The following LMBR1 variants were observed in gnomAD, a reference collection of about 807,000 sequenced individuals.
LMBR1 encodes limb development membrane protein 1, also known as limb region 1 protein homolog.
A neutral mutation model predicts 73.9 loss-of-function variants in LMBR1; 52 were observed. The ratio of observed to expected loss-of-function variants is 0.70; its 90% CI spans 0.56 to 0.89. The LOEUF is 0.89. LMBR1 is among the 40% of genes least tolerant of loss of function. The pLI, the probability that LMBR1 is intolerant of heterozygous loss-of-function variation, is 0.00. For missense variants in LMBR1, 539 were observed against 579.8 expected, an observed-to-expected ratio of 0.93 and a Z score of 0.72; for synonymous variants, 215 against 209.4, an observed-to-expected ratio of 1.03 and a Z score of -0.23.
rs1268722926 is a variant in LMBR1 at position 156,678,859 on chromosome 7, T to A, written c.*5219A>T. 1.3e-5 allele frequency: 2 copies of A among 152,140 alleles called. No homozygotes were observed. Among genetic ancestry groups the A allele is most frequent in the East Asian group, 1.9e-4 (1 of 5,192 alleles). The allele number at this position is 152,140 out of a possible 1,614,324, so 9.4% of individuals were successfully genotyped here. On this transcript the variant is annotated 3_prime_UTR_variant, in exon 17 of 17. Coordinates refer to ENST00000353442, the MANE Select transcript of LMBR1 (RefSeq NM_022458.4). ...ACTTAATTAGGAGCCTACCATTCCATGGGCGGGGGGAATCATTAAATCACT... is the reference window on the plus strand; with the variant it reads ...ACTTAATTAGGAGCCTACCATTCCAAGGGCGGGGGGAATCATTAAATCACT...
chr7:156,755,335 C>T (rs1170657306), intron 9 of LMBR1, among the ~76,000 whole-genome samples: 1 of 152,212 alleles, frequency 6.6e-6, no homozygotes. Flanking sequence ...GTGAGAAAGG[C>T]TGTATTTTTG....
chr7:156,806,560 C>CATTA (rs1563410191), intron 4 of LMBR1, among the ~76,000 whole-genome samples: 1 of 145,850 alleles, frequency 6.9e-6, no homozygotes, highest in Non-Finnish European at 1.5e-5. Flanking sequence ...AGTCTTTCAC[C>CATTA]ATTAAGTATG....
At chr7:156,759,312 A>G (rs76087894) in intron 8 of LMBR1, among the ~76,000 whole-genome samples, 3,585 of 152,338 alleles carry the variant, frequency 0.024, 146 homozygotes, top group African/African-American at 0.081. Flanking sequence ...GTGGAGGGGT[A>G]AAGTCCACTC....
At chr7:156,687,134 A>T (rs1450189868) in intron 16 of LMBR1, among the ~76,000 whole-genome samples, 4 of 152,374 alleles carry the variant, frequency 2.6e-5, no homozygotes, top group African/African-American at 9.6e-5. Flanking sequence ...ATTGCTGCTC[A>T]TATCGTTTAA....
At chr7:156,697,626 C>T (rs995493193) in intron 15 of LMBR1, among the ~76,000 whole-genome samples, 2 of 152,198 alleles carry the variant, frequency 1.3e-5, no homozygotes, top group Admixed American at 6.5e-5. Context: ...ATTTGCATGT[C>T]CATTTATTGA....
At chr7:156,689,810 T>C (rs1213449002) in intron 15 of LMBR1, among the ~76,000 whole-genome samples, 2 of 152,200 alleles carry the variant, frequency 1.3e-5, no homozygotes, top group African/African-American at 2.4e-5. Flanking sequence ...TTAATAAAAC[T>C]TTACTTTGTT....
At chr7:156,813,668 C>A (rs1172500403) in intron 4 of LMBR1, among the ~76,000 whole-genome samples, 1 of 152,184 alleles carries the variant, frequency 6.6e-6, no homozygotes, top group African/African-American at 2.4e-5. Flanking sequence ...TATTCTTTTT[C>A]TCCTTTTCCC....
At chr7:156,841,468 T>C (rs1347108777) in intron 1 of LMBR1, among the ~76,000 whole-genome samples, 1 of 152,082 alleles carries the variant, frequency 6.6e-6, no homozygotes, top group Non-Finnish European at 1.5e-5. Flanking sequence ...AGTCTGAGAA[T>C]AGAGACCTAG....
intron 5 of LMBR1, among the ~76,000 whole-genome samples, chr7:156,768,146 G>C (rs898332095): frequency 6.6e-6 from 1 of 152,108 alleles, no homozygotes; most frequent in African/African-American, 2.4e-5. Flanking sequence ...AGCACTTTAG[G>C]AGGCCAAGGG....
chr7:156,821,366 A>G (rs1161917365), intron 4 of LMBR1, among the ~76,000 whole-genome samples: 1 of 152,202 alleles, frequency 6.6e-6, no homozygotes, highest in Non-Finnish European at 1.5e-5. Flanking sequence ...GTTCTGCATG[A>G]TATGCAGGCC....
chr7:156,876,038 G>C (rs960142085), intron 1 of LMBR1, among the ~76,000 whole-genome samples: 1 of 152,102 alleles, frequency 6.6e-6, no homozygotes, highest in Non-Finnish European at 1.5e-5. Flanking sequence ...TTGCGGAATG[G>C]ATAAGAATTC....
rs1001248008 is a variant in LMBR1 at position 156,679,080 on chromosome 7, T to C, written c.*4998A>G. On this transcript the variant is annotated 3_prime_UTR_variant, in exon 17 of 17. Coordinates refer to ENST00000353442, the MANE Select transcript of LMBR1 (RefSeq NM_022458.4). ...ATGAGACTGCGGTTGTACTGGCCTG[T>C]ATTTACATCCAGTTCATCTGCCCAC... The C allele has an allele frequency of 2.0e-5, 3 of 152,236 alleles. No individual in the cohort carries two copies. The highest frequency in any genetic ancestry group is 7.2e-5 in the African/African-American group (3 of 41,448). 9.4% of individuals were successfully genotyped at this position (152,236 alleles called of 1,614,324 possible).
chr7:156,805,617 G>A (rs1012635905), intron 4 of LMBR1, among the ~76,000 whole-genome samples: 16 of 152,184 alleles, frequency 1.1e-4, no homozygotes, highest in African/African-American at 3.9e-4. Context: ...GCTATTCTAA[G>A]TCCATAGAAT....
rs1563650259 is a variant in LMBR1, at chr7:156,892,832, G to A, written c.66+96C>T. 7.6e-5 allele frequency: 60 copies of A among 791,712 alleles called. 1 individual carries two copies. In the South Asian group the frequency reaches 1.4e-3, roughly 18 times the overall value. 49.0% of individuals were successfully genotyped at this position (791,712 alleles called of 1,614,324 possible). On this transcript the variant is annotated intron_variant, in intron 1 of 16. Coordinates refer to ENST00000353442, the MANE Select transcript of LMBR1 (RefSeq NM_022458.4). Reference sequence around the variant, plus strand: ...GGGCGGGAGGCGCGAGGCGAGGCCCGGAGGTGAGGGGTCCGGGGACCGGGG... The same window carrying A: ...GGGCGGGAGGCGCGAGGCGAGGCCCAGAGGTGAGGGGTCCGGGGACCGGGG...
Position 156,888,192 on chromosome 7 carries a change from C to T in LMBR1, c.66+4736G>A, listed in dbSNP as rs1053576038. ...TTGGGAGGCTGAGGCGGGCGAATCACGAGGTCAGGAGATCAAGACCTTCCT... is the reference window on the plus strand; with the variant it reads ...TTGGGAGGCTGAGGCGGGCGAATCATGAGGTCAGGAGATCAAGACCTTCCT... On this transcript the variant is annotated intron_variant, in intron 1 of 16. Coordinates refer to ENST00000353442, the MANE Select transcript of LMBR1 (RefSeq NM_022458.4). Among the ~76,000 whole-genome samples, 16 of 151,988 alleles carry T rather than the reference C, an allele frequency of 1.1e-4. No homozygotes were observed. In the South Asian group the frequency reaches 1.2e-3, roughly 12 times the overall value.
chr7:156,863,794 G>T (rs1563564190), intron 1 of LMBR1, among the ~76,000 whole-genome samples: 1 of 152,016 alleles, frequency 6.6e-6, no homozygotes, highest in African/African-American at 2.4e-5. Context: ...CTATATAGAG[G>T]ATTAATAAGG....
chr7:156,844,226 A>T (rs1352655511), intron 1 of LMBR1, among the ~76,000 whole-genome samples: 1 of 152,040 alleles, frequency 6.6e-6, no homozygotes, highest in Non-Finnish European at 1.5e-5. Flanking sequence ...CAGGAGGGTG[A>T]GGCAGGAGAA....
chr7:156,820,923 A>T (rs2133753248), intron 4 of LMBR1, among the ~76,000 whole-genome samples: 1 of 152,334 alleles, frequency 6.6e-6, no homozygotes, highest in Non-Finnish European at 1.5e-5. Context: ...AGCCTTTGGC[A>T]GGTTCCTCTC....
At chr7:156,790,056 G>A (rs1828926085) in intron 5 of LMBR1, among the ~76,000 whole-genome samples, 2 of 151,908 alleles carry the variant, frequency 1.3e-5, no homozygotes, top group Non-Finnish European at 2.9e-5. Flanking sequence ...TCATATAAAA[G>A]GGTTTGAAGT....
Sources: allele counts gnomAD v4.1 joint callset (sites outside exome capture counted in the v4.1 genomes callset), GRCh38; gene constraint gnomAD v4.1.1; transcripts MANE v1.5; gene names NCBI Gene and HGNC (gene_info 2026-07-23, HGNC 2026-07-21).